The following FSHR variants were observed in gnomAD, a reference collection of about 807,000 sequenced individuals.
FSHR encodes the protein follicle stimulating hormone receptor.
FSHR carries 46 observed loss-of-function variants against 52.1 expected under a neutral mutation model. That is an observed-to-expected ratio of 0.88 (90% CI 0.70 to 1.13). The LOEUF (loss-of-function observed/expected upper bound fraction) is 1.13, where lower values mean the gene tolerates loss of function less well. FSHR is among the 50% of genes most tolerant of loss of function. The pLI is 0.00. For missense variants in FSHR, 964 were observed against 834.6 expected, an observed-to-expected ratio of 1.16 and a Z score of -1.91; for synonymous variants, 399 against 309.6, an observed-to-expected ratio of 1.29 and a Z score of -3.03.
intron 2 of FSHR, among the ~76,000 whole-genome samples, chr2:49,037,136 A>G (rs1668297391): frequency 6.6e-6 from 1 of 152,164 alleles, no homozygotes; most frequent in African/African-American, 2.4e-5. Flanking sequence ...GGGGAATCTA[A>G]ACCAGGGAAA....
chr2:49,105,785 A>C (rs1160339882), intron 1 of FSHR, among the ~76,000 whole-genome samples: 1 of 152,114 alleles, frequency 6.6e-6, no homozygotes, highest in African/African-American at 2.4e-5. Context: ...AGCTTTAGGA[A>C]GAGGTGCATC....
intron 1 of FSHR, among the ~76,000 whole-genome samples, chr2:49,138,049 T>C (rs1672548901): frequency 1.3e-5 from 2 of 152,190 alleles, no homozygotes; most frequent in African/African-American, 4.8e-5. Flanking sequence ...ATTATACATG[T>C]GATAAGGGAT....
At chr2:49,127,791 T>TTCC (rs1558456372) in intron 1 of FSHR, among the ~76,000 whole-genome samples, 1 of 55,130 alleles carries the variant, frequency 1.8e-5, no homozygotes. Flanking sequence ...CTTCTTCTTC[T>TTCC]TCTTCTTCTT....
chr2:49,055,949 A>G (rs1420452944), intron 2 of FSHR, among the ~76,000 whole-genome samples: 2 of 152,124 alleles, frequency 1.3e-5, no homozygotes, highest in Non-Finnish European at 2.9e-5. Flanking sequence ...AACCAACATC[A>G]TGACAACATG....
chr2:49,029,510 T>A (rs1447403463), intron 2 of FSHR, among the ~76,000 whole-genome samples: 1 of 152,194 alleles, frequency 6.6e-6, no homozygotes, highest in East Asian at 1.9e-4. Context: ...AAGCCCTTCA[T>A]CACTTTGGCA....
At chr2:49,019,398 T>G (rs896091703) in intron 3 of FSHR, among the ~76,000 whole-genome samples, 1 of 152,310 alleles carries the variant, frequency 6.6e-6, no homozygotes, top group Non-Finnish European at 1.5e-5. Context: ...ATTCTATGAT[T>G]CTATGAAATA....
intron 9 of FSHR, among the ~76,000 whole-genome samples, chr2:48,967,130 C>T (rs918159576): frequency 6.6e-6 from 1 of 152,212 alleles, no homozygotes; most frequent in African/African-American, 2.4e-5. Flanking sequence ...GGGTCTCACT[C>T]TGCTGCCCAG....
chr2:49,132,968 TAAAAAAAAAAAAAAAA>T (rs34913428), intron 1 of FSHR, among the ~76,000 whole-genome samples: 1 of 48,650 alleles, frequency 2.1e-5, no homozygotes, highest in South Asian at 8.6e-4. Context: ...TAAAACTCAG[TAAAAAAAAAAAAAAAA>T]AAAAAAAAAA....
At chr2:49,127,751 T>TTCTTC (rs1280067475) in intron 1 of FSHR, among the ~76,000 whole-genome samples, 1 of 77,524 alleles carries the variant, frequency 1.3e-5, no homozygotes, top group African/African-American at 5.9e-5. Flanking sequence ...CTTCTTCTTC[T>TTCTTC]TTCTTCTTCT....
intron 1 of FSHR, among the ~76,000 whole-genome samples, chr2:49,153,956 G>T (rs1218411756): frequency 6.6e-6 from 1 of 151,992 alleles, no homozygotes; most frequent in Non-Finnish European, 1.5e-5. Context: ...TCCTTTTCTG[G>T]TTCCACTAAA....
Position 49,013,141 on chromosome 2 carries a change from C to G in FSHR, c.374+4348G>C, listed in dbSNP as rs541424866. On this transcript the variant is annotated intron_variant, in intron 4 of 9. Transcript: ENST00000406846. ...TATCTTCCCCCCCCACCCCCACTTT[C>G]TCACTCTCACTCTTGGTACTATTTG... Among the ~76,000 whole-genome samples, 16 of 148,530 alleles carry G rather than the reference C, an allele frequency of 1.1e-4. No homozygotes were observed. In the East Asian group the frequency reaches 3.1e-3, roughly 29 times the overall value.
chr2:49,107,984 C>A (rs970241630), intron 1 of FSHR, among the ~76,000 whole-genome samples: 1 of 152,118 alleles, frequency 6.6e-6, no homozygotes, highest in Non-Finnish European at 1.5e-5. Flanking sequence ...CCAGTGCAAA[C>A]ATTGTTTCTG....
At chr2:49,060,447 C>A (rs1005073967) in intron 2 of FSHR, among the ~76,000 whole-genome samples, 4 of 152,112 alleles carry the variant, frequency 2.6e-5, no homozygotes, top group Admixed American at 6.6e-5. Flanking sequence ...CCCTGCATCC[C>A]AGGAAATGAT....
rs543762876 is a variant in FSHR at position 49,000,545 on chromosome 2, A to G, written c.375-9908T>C. Among the ~76,000 whole-genome samples, 34 of 152,294 alleles carry G rather than the reference A, an allele frequency of 2.2e-4. No homozygotes were observed. The South Asian group carries it at 6.0e-3, about 27-fold the overall frequency. ...TCCCTGAGACACAGTGGTAGAAGAAATGTTACATTCCAGGTTTCTGGAAAC... is the reference window on the plus strand; with the variant it reads ...TCCCTGAGACACAGTGGTAGAAGAAGTGTTACATTCCAGGTTTCTGGAAAC... On this transcript the variant is annotated intron_variant, in intron 4 of 9. Transcript: ENST00000406846.
chr2:49,034,010 G>A (rs11694529), intron 2 of FSHR, among the ~76,000 whole-genome samples: 11,387 of 152,244 alleles, frequency 0.075, 558 homozygotes, highest in Non-Finnish European at 0.11. Flanking sequence ...TATTGTAGTG[G>A]CTGAATTGTA....
intron 1 of FSHR, among the ~76,000 whole-genome samples, chr2:49,077,489 G>C (rs1214627543): frequency 6.6e-6 from 1 of 152,168 alleles, no homozygotes; most frequent in African/African-American, 2.4e-5. Flanking sequence ...CTGCTGTGAA[G>C]ATCTCTAACG....
intron 1 of FSHR, among the ~76,000 whole-genome samples, chr2:49,121,558 C>T (rs752754939): frequency 4.6e-5 from 7 of 152,126 alleles, no homozygotes; most frequent in Admixed American, 6.6e-5. Flanking sequence ...TCCAGGTATT[C>T]TTTAGGGGCT....
intron 1 of FSHR, among the ~76,000 whole-genome samples, chr2:49,094,022 T>C (rs1457652472): frequency 6.6e-6 from 1 of 152,236 alleles, no homozygotes; most frequent in Admixed American, 6.5e-5. Flanking sequence ...GATTTAGGTC[T>C]ATCGCTTTCT....
intron 2 of FSHR, among the ~76,000 whole-genome samples, chr2:49,042,383 G>A (rs1668508923): frequency 6.6e-6 from 1 of 152,152 alleles, no homozygotes; most frequent in Non-Finnish European, 1.5e-5. Context: ...AAGAAGGAAT[G>A]ATAGAACAAG....
Sources: allele counts gnomAD v4.1 joint callset (sites outside exome capture counted in the v4.1 genomes callset), GRCh38; gene constraint gnomAD v4.1.1; transcripts MANE v1.5; gene names NCBI Gene and HGNC (gene_info 2026-07-23, HGNC 2026-07-21).